The following DOCK9 variants were observed in gnomAD, a reference collection of about 807,000 sequenced individuals.
The protein encoded by DOCK9 is dedicator of cytokinesis 9, also known as dedicator of cytokinesis protein 9.
DOCK9 carries 89 observed loss-of-function variants against 263.3 expected under a neutral mutation model. The observed-to-expected ratio is 0.34, with a 90% CI of 0.28 to 0.40. The LOEUF (loss-of-function observed/expected upper bound fraction) is 0.40. Among genes scored for constraint, DOCK9 ranks in the 10% least tolerant of loss-of-function variants. The pLI is 1.00. For missense variants in DOCK9, 2,140 were observed against 2,603.4 expected, an observed-to-expected ratio of 0.82 and a Z score of 3.87; for synonymous variants, 976 against 973.1, an observed-to-expected ratio of 1.00 and a Z score of -0.06.
At chr13:98,968,989 C>T (rs1391051183) in intron 1 of DOCK9, among the ~76,000 whole-genome samples, 1 of 152,176 alleles carries the variant, frequency 6.6e-6, no homozygotes, top group African/African-American at 2.4e-5. Flanking sequence ...GTGACAATGT[C>T]ACATGGTGAT....
rs190427218 is a variant in DOCK9 at position 98,856,104 on chromosome 13, G to C, written c.3698-73C>G. On this transcript the variant is annotated intron_variant, in intron 33 of 52. Transcript: ENST00000682017. ...AATAAAGATGAGTACTGAACTTTAA[G>C]GGAAATTGCTTTTATTGCACTTATT... The C allele has an allele frequency of 5.1e-4, 774 of 1,505,904 alleles. 2 individuals carry two copies. Among genetic ancestry groups the C allele is most frequent in the Admixed American group, 9.1e-4 (46 of 50,634 alleles). 93.3% of individuals were successfully genotyped at this position (1,505,904 alleles called of 1,614,324 possible).
chr13:99,034,695 C>G (rs767400759), intron 1 of DOCK9, among the ~76,000 whole-genome samples: 6 of 152,110 alleles, frequency 3.9e-5, no homozygotes, highest in Non-Finnish European at 8.8e-5. Flanking sequence ...AATTTAAGGG[C>G]CCTTTATCTG....
At chr13:98,894,553 A>C (rs2047091988) in intron 15 of DOCK9, among the ~76,000 whole-genome samples, 1 of 152,246 alleles carries the variant, frequency 6.6e-6, no homozygotes. Flanking sequence ...TCCTAAGTAC[A>C]CGCAGACCCA....
At chr13:98,864,391 T>C (rs1371325212) in intron 30 of DOCK9, among the ~76,000 whole-genome samples, 1 of 152,178 alleles carries the variant, frequency 6.6e-6, no homozygotes, top group Non-Finnish European at 1.5e-5. Context: ...TGAAGCTAGG[T>C]TGTGAATTGT....
At chr13:98,958,470 C>T (rs574937277) in intron 1 of DOCK9, among the ~76,000 whole-genome samples, 2 of 152,360 alleles carry the variant, frequency 1.3e-5, no homozygotes. Flanking sequence ...TTCTTGTATT[C>T]TTAGAGCAGG....
intron 1 of DOCK9, among the ~76,000 whole-genome samples, chr13:99,011,387 C>A (rs1429746995): frequency 6.6e-6 from 1 of 152,082 alleles, no homozygotes. Context: ...CTAGAACCTG[C>A]TAGAATTTGG....
intron 7 of DOCK9, 132 bp from the exon 8 acceptor site, chr13:98,915,635 T>G: frequency 2.6e-6 from 2 of 756,052 alleles, no homozygotes; most frequent in Non-Finnish European, 3.9e-6. Context: ...GCTTGCCCCC[T>G]CCTCATGAAA....
intron 13 of DOCK9, among the ~76,000 whole-genome samples, chr13:98,898,729 G>C (rs2047808339): frequency 6.6e-6 from 1 of 152,134 alleles, no homozygotes. Flanking sequence ...CACAATATAA[G>C]GGATAAGATA....
At chr13:99,013,522 G>A (rs540931990) in intron 1 of DOCK9, among the ~76,000 whole-genome samples, 1 of 152,306 alleles carries the variant, frequency 6.6e-6, no homozygotes, top group Non-Finnish European at 1.5e-5. Context: ...TACGTCAGGT[G>A]AAGAAGAAAC....
rs1266539470 is a variant in DOCK9 at position 98,888,719 on chromosome 13, C to G, written c.1710-8G>C. On this transcript the variant is annotated splice_region_variant and splice_polypyrimidine_tract_variant and intron_variant, in intron 15 of 52. Transcript: ENST00000682017. ...TTAGCCATCTTCTCAGGTCTGCAAACAAAAGAAGAGAAAAATTAAACATTC... is the reference window on the plus strand; with the variant it reads ...TTAGCCATCTTCTCAGGTCTGCAAAGAAAAGAAGAGAAAAATTAAACATTC... 6.2e-7 allele frequency: 1 copy of G among 1,609,844 alleles called. No homozygotes were observed. The highest frequency in any genetic ancestry group is 1.7e-5 in the Admixed American group (1 of 59,732).
chr13:98,827,903 C>T (rs542735283), intron 43 of DOCK9, among the ~76,000 whole-genome samples: 3 of 152,220 alleles, frequency 2.0e-5, no homozygotes, highest in African/African-American at 4.8e-5. Flanking sequence ...GGGTAGTGTC[C>T]CGCCAAAATT....
rs761534862 is a variant in DOCK9, at chr13:98,985,609, G to A, written c.130-30058C>T. ...TGTAAACTATCAATTTATTTTGATCGTGATAACAATAATTCAGTTAGCTAA... is the reference window on the plus strand; with the variant it reads ...TGTAAACTATCAATTTATTTTGATCATGATAACAATAATTCAGTTAGCTAA... On this transcript the variant is annotated intron_variant, in intron 1 of 32. Transcript: ENST00000427887. Among the ~76,000 whole-genome samples, 11 of 152,286 alleles carry A rather than the reference G, an allele frequency of 7.2e-5. No homozygotes were observed. The East Asian group carries it at 1.5e-3, about 21-fold the overall frequency.
intron 1 of DOCK9, among the ~76,000 whole-genome samples, chr13:99,001,667 G>A (rs186695750): frequency 1.3e-5 from 2 of 152,270 alleles, no homozygotes; most frequent in East Asian, 3.9e-4. Flanking sequence ...GAGGACTTGG[G>A]GCCTTTCTGA....
chr13:99,059,528 C>T lies in DOCK9; in HGVS notation c.129+26695G>A, dbSNP rs140390127. On this transcript the variant is annotated intron_variant, in intron 1 of 32. Coordinates refer to the DOCK9 transcript ENST00000427887. Reference sequence around the variant, plus strand: ...CCTCATCTGTATTATTCTAACAGTCCCTTCCAAGCCAACTCTTCACTGCAG... The same window carrying T: ...CCTCATCTGTATTATTCTAACAGTCTCTTCCAAGCCAACTCTTCACTGCAG... 3.7e-3 allele frequency among the ~76,000 whole-genome samples: 564 copies of T among 152,226 alleles called. 4 individuals are homozygous for T. Among genetic ancestry groups the T allele is most frequent in the African/African-American group, 0.013 (531 of 41,500 alleles).
chr13:98,919,088 T>A lies in DOCK9; in HGVS notation c.717+1866A>T, dbSNP rs577394361. 1.3e-4 allele frequency among the ~76,000 whole-genome samples: 19 copies of A among 150,920 alleles called. 1 individual carries two copies. Among genetic ancestry groups the A allele is most frequent in the African/African-American group, 4.6e-4 (19 of 41,148 alleles). ...GTAAGGTGATGCAGGGGTGAAGCAC[T>A]GCCCTTCAGCACTGCTGGGCTGTTT... is the stretch of plus-strand genomic sequence containing the variant. On this transcript the variant is annotated intron_variant, in intron 7 of 52. Transcript: ENST00000682017.
chr13:98,966,796 A>G (rs1330416287), intron 1 of DOCK9, among the ~76,000 whole-genome samples: 3 of 152,248 alleles, frequency 2.0e-5, no homozygotes, highest in Non-Finnish European at 4.4e-5. Context: ...GTTGGGAGTT[A>G]GAGTTTAAAT....
intron 2 of DOCK9, among the ~76,000 whole-genome samples, chr13:98,943,799 T>C (rs555390046): frequency 1.3e-5 from 2 of 152,272 alleles, no homozygotes; most frequent in African/African-American, 4.8e-5. Context: ...ATTTTCTATT[T>C]AGGGGAAAAA....
chr13:99,068,741 A>T (rs141701812), intron 1 of DOCK9, among the ~76,000 whole-genome samples: 256 of 152,318 alleles, frequency 1.7e-3, no homozygotes, highest in African/African-American at 5.7e-3. Context: ...GAAGATTCTT[A>T]TAAGAATAGC....
chr13:98,930,219 T>C lies in DOCK9; in HGVS notation c.282A>G (p.Ser94=). Residue 94 remains serine (S), a synonymous_variant, in exon 3 of 53, where the codon TCA becomes TCG. Transcript: ENST00000682017. ...ILRRQGRYIC[S]TVPAKAEEEA... ...CCTCTTCCGCCTTCGCAGGCACTGT[T>C]GAGCATATGTATCGACCCTGTCGTC... is the stretch of plus-strand genomic sequence containing the variant. The C allele has an allele frequency of 1.2e-6, 2 of 1,612,258 alleles. No individual in the cohort carries two copies. The highest frequency in any genetic ancestry group is 1.7e-6 in the Non-Finnish European group (2 of 1,179,216).
Sources: allele counts gnomAD v4.1 joint callset (sites outside exome capture counted in the v4.1 genomes callset), GRCh38; gene constraint gnomAD v4.1.1; transcripts MANE v1.5; gene names NCBI Gene and HGNC (gene_info 2026-07-23, HGNC 2026-07-21).